The following SEMA5A variants were observed in gnomAD, a reference collection of about 807,000 sequenced individuals.
The protein encoded by SEMA5A is semaphorin 5A.
SEMA5A carries 55 observed loss-of-function variants against 135.5 expected under a neutral mutation model. The ratio of observed to expected loss-of-function variants is 0.41; its 90% CI spans 0.33 to 0.51. The LOEUF (loss-of-function observed/expected upper bound fraction) is 0.51. Ranked by LOEUF, SEMA5A falls within the 20% of genes least tolerant of loss-of-function variation. SEMA5A has a pLI of 0.37. For missense variants in SEMA5A, 1,290 were observed against 1,419.9 expected (o/e 0.91, Z 1.47); for synonymous variants, 580 against 546.5 (o/e 1.06, Z -0.85).
intron 1 of SEMA5A, among the ~76,000 whole-genome samples, chr5:9,458,017 C>T (rs1014891613): frequency 2.7e-5 from 4 of 149,954 alleles, no homozygotes; most frequent in East Asian, 2.0e-4. Flanking sequence ...ATGCCATTCT[C>T]CTGCCTCAGC....
Position 9,042,959 on chromosome 5 carries a change from G to T in SEMA5A, c.3163C>A (p.Leu1055Ile). ...GCATTAGAATAGGTCTTCCCAGTGAGATGTGGGTTGAAGTATTTGTTTCTT... is the reference window on the plus strand; with the variant it reads ...GCATTAGAATAGGTCTTCCCAGTGATATGTGGGTTGAAGTATTTGTTTCTT... ...EERNKYFNPH[L>I]TGKTYSNAYF... The change falls in exon 23 of 23, where the codon CTC (leucine) becomes ATC (isoleucine). Residue 1055 changes from leucine to isoleucine, a missense_variant. Leu to Ile is a conservative substitution (Grantham distance 5). Transcript: ENST00000382496. 6.2e-7 allele frequency: 1 copy of T among 1,612,624 alleles called. No homozygotes were observed. Among genetic ancestry groups the T allele is most frequent in the African/African-American group, 1.3e-5 (1 of 74,928 alleles).
chr5:9,370,611 C>T (rs748480927), intron 3 of SEMA5A, among the ~76,000 whole-genome samples: 2 of 152,112 alleles, frequency 1.3e-5, no homozygotes, highest in Non-Finnish European at 2.9e-5. Flanking sequence ...AAAAAAGATT[C>T]AAGAAAATAC....
At chr5:9,490,621 C>T (rs950954448) in intron 1 of SEMA5A, among the ~76,000 whole-genome samples, 1 of 152,136 alleles carries the variant, frequency 6.6e-6, no homozygotes, top group Non-Finnish European at 1.5e-5. Flanking sequence ...TGAAGGGTCA[C>T]GTGCAGCTCT....
At chr5:9,091,734 G>A (rs747659233) in intron 16 of SEMA5A, among the ~76,000 whole-genome samples, 13 of 152,056 alleles carry the variant, frequency 8.5e-5, no homozygotes, top group Non-Finnish European at 1.3e-4. Flanking sequence ...GACATAATGC[G>A]GCACCCTCAG....
At chr5:9,323,403 TAG>T (rs1323487756) in intron 4 of SEMA5A, among the ~76,000 whole-genome samples, 1 of 152,130 alleles carries the variant, frequency 6.6e-6, no homozygotes, top group East Asian at 1.9e-4. Context: ...ACATATAAAA[TAG>T]ATACAATAAT....
intron 11 of SEMA5A, among the ~76,000 whole-genome samples, chr5:9,165,619 A>G (rs781231904): frequency 1.4e-4 from 21 of 152,276 alleles, no homozygotes; most frequent in African/African-American, 5.1e-4. Context: ...TTTGGATTCT[A>G]TTTGATTCTC....
chr5:9,216,188 G>T (rs1461882175), intron 8 of SEMA5A, among the ~76,000 whole-genome samples: 1 of 152,102 alleles, frequency 6.6e-6, no homozygotes, highest in Non-Finnish European at 1.5e-5. Flanking sequence ...TTGTATCTTT[G>T]TTCTCATTAG....
intron 1 of SEMA5A, among the ~76,000 whole-genome samples, chr5:9,471,314 C>T (rs1315947052): frequency 6.6e-6 from 1 of 152,122 alleles, no homozygotes; most frequent in African/African-American, 2.4e-5. Context: ...TGAAATACTG[C>T]CTAACTGGGT....
chr5:9,066,439 T>G lies in SEMA5A; in HGVS notation c.2281A>C (p.Ser761Arg), dbSNP rs1737467688. The change falls in exon 17 of 23, where the codon AGT (serine) becomes CGT (arginine). Residue 761 changes from serine to arginine, a missense_variant. By Grantham distance (110) the Ser-to-Arg change is moderately radical. Transcript: ENST00000382496. ...TACTCACCATCTGTGGAGCAGCCAC[T>G]GGTGCCGTCGCTAGAACAGTACCGC... The part of the protein sequence containing the change: ...EMRYCSSDGT[S>R]GCSTDGLSGD... 6.2e-7 allele frequency: 1 copy of G among 1,614,192 alleles called. No homozygotes were observed. The highest frequency in any genetic ancestry group is 8.5e-7 in the Non-Finnish European group (1 of 1,179,988).
chr5:9,537,939 T>G (rs1158494246), intron 1 of SEMA5A, among the ~76,000 whole-genome samples: 1 of 152,152 alleles, frequency 6.6e-6, no homozygotes, highest in East Asian at 1.9e-4. Flanking sequence ...GGACCACCTG[T>G]GCCAAAGTAA....
At position 9,042,429 on chromosome 5, in the gene SEMA5A, T is replaced by C. The variant is rs1433945112; in HGVS notation, c.*468A>G. The C allele has an allele frequency of 6.2e-6, 1 of 161,062 alleles. No individual in the cohort carries two copies. Among genetic ancestry groups the C allele is most frequent in the African/African-American group, 2.4e-5 (1 of 41,502 alleles). 10.0% of individuals were successfully genotyped at this position (161,062 alleles called of 1,614,324 possible). On this transcript the variant is annotated 3_prime_UTR_variant, in exon 23 of 23. Transcript: ENST00000382496. ...AGTTGGGCAATCCATGGTGAATAAT[T>C]GTTTGGCCACATTCTTTTTCTTCAT...
chr5:9,490,605 C>T (rs1734953549), intron 1 of SEMA5A, among the ~76,000 whole-genome samples: 1 of 152,116 alleles, frequency 6.6e-6, no homozygotes, highest in African/African-American at 2.4e-5. Context: ...CTCAAGCAGG[C>T]TGGTGTGAAG....
At chr5:9,127,124 T>C (rs73740338) in intron 13 of SEMA5A, among the ~76,000 whole-genome samples, 11,499 of 152,282 alleles carry the variant, frequency 0.076, 472 homozygotes, top group South Asian at 0.15. Flanking sequence ...TGTTATTATA[T>C]GTAAAACAAA....
chr5:9,228,349 G>A (rs1012022579), intron 6 of SEMA5A, among the ~76,000 whole-genome samples: 1 of 152,180 alleles, frequency 6.6e-6, no homozygotes, highest in Admixed American at 6.5e-5. Context: ...CTGAGCAAAG[G>A]AGGGAAAAGA....
At chr5:9,268,630 G>A (rs1749810976) in intron 5 of SEMA5A, among the ~76,000 whole-genome samples, 1 of 152,084 alleles carries the variant, frequency 6.6e-6, no homozygotes, top group South Asian at 2.1e-4. Context: ...TGATACAGAG[G>A]TAGGAAATAT....
intron 5 of SEMA5A, among the ~76,000 whole-genome samples, chr5:9,298,793 C>A (rs906284797): frequency 6.6e-6 from 1 of 152,156 alleles, no homozygotes; most frequent in Non-Finnish European, 1.5e-5. Flanking sequence ...TAAATATATA[C>A]TGAGTCACAT....
intron 1 of SEMA5A, among the ~76,000 whole-genome samples, chr5:9,453,353 C>T (rs1036791364): frequency 2.0e-5 from 3 of 152,188 alleles, no homozygotes; most frequent in Admixed American, 6.5e-5. Flanking sequence ...CTTGTTTCAG[C>T]TCTCATACTG....
Position 9,381,981 on chromosome 5 carries a change from TGCGCGCGC to T in SEMA5A, c.-77-1966_-77-1959del, listed in dbSNP as rs112343169. Among the ~76,000 whole-genome samples, 341 of 99,946 alleles carry T rather than the reference TGCGCGCGC, an allele frequency of 3.4e-3. 2 individuals are homozygous for T. The highest frequency in any genetic ancestry group is 0.011 in the African/African-American group (240 of 22,790). The allele number at this position is 99,946 out of a possible 152,430, so 65.6% of individuals were successfully genotyped here. On this transcript the variant is annotated intron_variant, in intron 2 of 22. Transcript: ENST00000382496. ...GTGTGTGTGTGTGTGTGTGTGTGTG[TGCGCGCGC>T]GCGCACATCAAGTTTCAGACACGTG...
chr5:9,224,834 G>A lies in SEMA5A; in HGVS notation c.486C>T (p.Pro162=). The A allele has an allele frequency of 6.2e-7, 1 of 1,613,958 alleles. No homozygotes were observed. The highest frequency in any genetic ancestry group is 8.5e-7 in the Non-Finnish European group (1 of 1,179,934). ...CTGTGGAATTGTGCTGGGGACTGTA[G>A]GGACAGCGGGCCATGCCACTGATCT... ...HDQISGMARC[P]YSPQHNSTAL... is the part of the protein sequence containing the mutation. Residue 162 remains proline (P), a synonymous_variant, in exon 8 of 23, where the codon CCC becomes CCT. Coordinates refer to ENST00000382496, the MANE Select transcript of SEMA5A (RefSeq NM_003966.3).
Sources: gnomAD v4.1 joint callset for allele counts (sites outside exome capture counted in the v4.1 genomes callset) on GRCh38, gnomAD v4.1.1 for gene constraint, MANE v1.5 for transcripts, NCBI Gene and HGNC (gene_info 2026-07-23, HGNC 2026-07-21) for gene names.